The following AMOTL1 variants were observed in gnomAD, a reference collection of about 807,000 sequenced individuals.
The protein encoded by AMOTL1 is angiomotin-like protein 1.
In AMOTL1, 45 loss-of-function variants were observed where a neutral mutation model predicts 102.9. That is an observed-to-expected ratio of 0.44 (90% CI 0.34 to 0.56). The LOEUF (loss-of-function observed/expected upper bound fraction) is 0.56, where lower values mean the gene tolerates loss of function less well. AMOTL1 is among the 20% of genes least tolerant of loss of function. AMOTL1 has a pLI of 0.01. For synonymous variants in AMOTL1, 481 were observed against 484.7 expected (o/e 0.99, Z 0.10); for missense variants, 1,114 against 1,225.6 (o/e 0.91, Z 1.36).
intron 1 of AMOTL1, among the ~76,000 whole-genome samples, chr11:94,718,658 GT>G (rs1279888712): frequency 2.0e-5 from 3 of 151,806 alleles, no homozygotes; most frequent in Non-Finnish European, 4.4e-5. Context: ...GACTCTTTGA[GT>G]GTTGCATTGA....
chr11:94,856,696 T>A (rs1247830996), intron 8 of AMOTL1, among the ~76,000 whole-genome samples: 17 of 152,252 alleles, frequency 1.1e-4, no homozygotes, highest in Admixed American at 1.1e-3. Context: ...AAGGCAGTTA[T>A]CTGACAGCTT....
intron 1 of AMOTL1, among the ~76,000 whole-genome samples, chr11:94,722,070 A>G (rs1458495546): frequency 6.6e-6 from 1 of 151,996 alleles, no homozygotes; most frequent in Non-Finnish European, 1.5e-5. Flanking sequence ...GGGTTTCCCA[A>G]CCTCCCACAC....
Position 94,854,065 on chromosome 11 carries a change from G to T in AMOTL1, c.1927G>T (p.Ala643Ser). ...GACTTGGCTGGAGAGAGAGCTGGAT[G>T]CACTGAGAACCCAGCAGGTAAGGAA... is the stretch of plus-strand genomic sequence containing the variant. Reference protein sequence around the residue: ...LRTWLERELDALRTQQKHGNG... With the variant: ...LRTWLERELDSLRTQQKHGNG... The change falls in exon 8 of 13, where the codon GCA (alanine) becomes TCA (serine). Residue 643 changes from alanine (A) to serine (S), a missense_variant. Coordinates refer to ENST00000433060, the MANE Select transcript of AMOTL1 (RefSeq NM_130847.3). 6.4e-7 allele frequency: 1 copy of T among 1,550,410 alleles called. No individual in the cohort carries two copies.
Position 94,859,646 on chromosome 11 carries a change from A to G in AMOTL1, c.2066A>G (p.Gln689Arg), listed in dbSNP as rs754164306. Residue 689 changes from glutamine to arginine, a missense_variant, in exon 9 of 13, where the codon CAG (glutamine) becomes CGG (arginine). Physicochemically the swap from Gln to Arg is conservative, Grantham distance 43. Transcript: ENST00000433060. Reference protein sequence around the residue: ...ALEADMTKWEQKYLEESTIRH... With the variant: ...ALEADMTKWERKYLEESTIRH... The stretch of plus-strand genomic sequence containing the variant: ...GAGGCCGACATGACAAAGTGGGAGC[A>G]GAAGTACCTGGAGGAGAGCACCATC... 3 of 1,613,620 alleles carry G rather than the reference A, an allele frequency of 1.9e-6. No individual in the cohort carries two copies. Among genetic ancestry groups the G allele is most frequent in the Non-Finnish European group, 1.7e-6 (2 of 1,179,730 alleles).
Position 94,854,023 on chromosome 11 carries a change from A to T in AMOTL1, c.1885A>T (p.Met629Leu), listed in dbSNP as rs763848601. 14 of 1,573,836 alleles carry T rather than the reference A, an allele frequency of 8.9e-6. No homozygotes were observed. The South Asian group carries it at 1.5e-4, about 17-fold the overall frequency. Residue 629 changes from methionine (M) to leucine (L), a missense_variant, in exon 8 of 13, where the codon ATG (methionine) becomes TTG (leucine). Transcript: ENST00000433060. ...LQSACEKREQ[M>L]ERRLRTWLER... is the part of the protein sequence containing the mutation. ...GTCTGCATGTGAGAAGCGAGAACAGATGGAGCGGAGACTGCGGACTTGGCT... is the reference window on the plus strand; with the variant it reads ...GTCTGCATGTGAGAAGCGAGAACAGTTGGAGCGGAGACTGCGGACTTGGCT...
Position 94,795,095 on chromosome 11 carries a change from A to G in AMOTL1, c.134A>G (p.Tyr45Cys). Residue 45 changes from tyrosine (Y) to cysteine (C), a missense_variant, in exon 2 of 13, where the codon TAT becomes TGT. Coordinates refer to ENST00000433060, the MANE Select transcript of AMOTL1 (RefSeq NM_130847.3). The part of the protein sequence containing the change: ...STYFSPDFQL[Y>C]SGRHETSALT... Reference sequence around the variant, plus strand: ...TACTTTTCCCCAGACTTTCAGCTCTATTCTGGGAGGCATGAAACATCTGCT... The same window carrying G: ...TACTTTTCCCCAGACTTTCAGCTCTGTTCTGGGAGGCATGAAACATCTGCT... 1 of 1,613,864 alleles carries G rather than the reference A, an allele frequency of 6.2e-7. No homozygotes were observed.
At chr11:94,798,026 C>T (rs996359866) in intron 2 of AMOTL1, among the ~76,000 whole-genome samples, 1 of 152,068 alleles carries the variant, frequency 6.6e-6, no homozygotes, top group Non-Finnish European at 1.5e-5. Flanking sequence ...AGATGAGTGT[C>T]AGGGAAATAG....
At chr11:94,862,176 C>A (rs59259003) in intron 9 of AMOTL1, among the ~76,000 whole-genome samples, 9,131 of 152,194 alleles carry the variant, frequency 0.06, 500 homozygotes, top group African/African-American at 0.14. Flanking sequence ...GAGCAACTAC[C>A]CTCCCCATTA....
At chr11:94,725,218 G>T (rs1408679578) in intron 1 of AMOTL1, among the ~76,000 whole-genome samples, 2 of 152,076 alleles carry the variant, frequency 1.3e-5, no homozygotes, top group Non-Finnish European at 2.9e-5. Flanking sequence ...TACAAGGGCA[G>T]GTATGTAAGC....
intron 1 of AMOTL1, among the ~76,000 whole-genome samples, chr11:94,723,545 C>T (rs1950207748): frequency 6.6e-6 from 1 of 152,068 alleles, no homozygotes; most frequent in African/African-American, 2.4e-5. Context: ...ATAAATTCCC[C>T]AGCAGCTTCA....
intron 6 of AMOTL1, among the ~76,000 whole-genome samples, chr11:94,848,379 G>C (rs1173164334): frequency 6.6e-6 from 1 of 152,120 alleles, no homozygotes; most frequent in Non-Finnish European, 1.5e-5. Context: ...GTAGTGCTGT[G>C]CTCTGAGTCA....
intron 2 of AMOTL1, chr11:94,740,827 G>GGA (rs1950511125): frequency 2.3e-6 from 2 of 857,586 alleles, no homozygotes; most frequent in South Asian, 1.4e-5. Context: ...CTGAGCGCTG[G>GGA]GAGAGAGAAG....
At chr11:94,715,332 A>G (rs1274630644) in intron 1 of AMOTL1, among the ~76,000 whole-genome samples, 2 of 152,046 alleles carry the variant, frequency 1.3e-5, no homozygotes, top group Non-Finnish European at 2.9e-5. Flanking sequence ...ACTCCCAGCT[A>G]ATGCTATTAT....
intron 1 of AMOTL1, among the ~76,000 whole-genome samples, chr11:94,707,250 C>G (rs10831270): frequency 0.3 from 20,850 of 70,336 alleles, 2,513 homozygotes; most frequent in African/African-American, 0.41. Context: ...CTCTCTCTCT[C>G]TGTGTGTGTG....
Position 94,799,611 on chromosome 11 carries a change from A to G in AMOTL1, c.421A>G (p.Thr141Ala), listed in dbSNP as rs200856535. 7.9e-5 allele frequency: 128 copies of G among 1,613,914 alleles called. No individual in the cohort carries two copies. The East Asian group carries it at 2.3e-3, about 28-fold the overall frequency. Residue 141 changes from threonine (T) to alanine (A), a missense_variant, in exon 3 of 13, where the codon ACG becomes GCG. By Grantham distance (58) the Thr-to-Ala change is moderately conservative. Transcript: ENST00000433060. The surrounding 1 kb of genome is among the most constrained non-coding windows in gnomAD (Gnocchi z 4.5). ...CCATCCTACAAACAACTTTTCTTCC[A>G]CGGAAAACCTCACTCAAGAAGACCC... is the stretch of plus-strand genomic sequence containing the variant. ...PAHPTNNFSS[T>A]ENLTQEDPQM...
intron 3 of AMOTL1, among the ~76,000 whole-genome samples, chr11:94,817,006 AT>A (rs1951777644): frequency 1.3e-5 from 2 of 152,154 alleles, no homozygotes; most frequent in Admixed American, 6.5e-5. Context: ...GATGAACACA[AT>A]TTTTTTGGAG....
chr11:94,710,848 G>A (rs1950012546), intron 1 of AMOTL1, among the ~76,000 whole-genome samples: 1 of 152,114 alleles, frequency 6.6e-6, no homozygotes, highest in Non-Finnish European at 1.5e-5. Flanking sequence ...TTGGGACCAT[G>A]TTTTCTCATT....
intron 6 of AMOTL1, among the ~76,000 whole-genome samples, chr11:94,845,376 C>T (rs557517236): frequency 5.7e-4 from 87 of 152,240 alleles, no homozygotes; most frequent in South Asian, 1.7e-3. Flanking sequence ...GACCACCATT[C>T]GACATTGTAC....
rs770828634 is a variant in AMOTL1 at position 94,859,724 on chromosome 11, A to T, written c.2135+9A>T. On this transcript the variant is annotated intron_variant, in intron 9 of 12. Transcript: ENST00000433060. The stretch of plus-strand genomic sequence containing the variant: ...ACTGCAGCAGCTGAGAGGTGAGACC[A>T]GTGGAACTCTGGTGGTCATAAAAGC... 2 of 1,595,908 alleles carry T rather than the reference A, an allele frequency of 1.3e-6. No homozygotes were observed. The highest frequency in any genetic ancestry group is 8.5e-7 in the Non-Finnish European group (1 of 1,169,842).
Sources: gnomAD v4.1 joint callset for allele counts (sites outside exome capture counted in the v4.1 genomes callset) on GRCh38, gnomAD v4.1.1 for gene constraint, Gnocchi (gnomAD v3.1) non-coding constraint, MANE v1.5 for transcripts, NCBI Gene and HGNC (gene_info 2026-07-23, HGNC 2026-07-21) for gene names.